TARM1: variants seen among roughly 807,000 people sequenced by gnomAD.
The protein encoded by TARM1 is T-cell-interacting, activating receptor on myeloid cells protein 1.
A neutral mutation model predicts 30.4 loss-of-function variants in TARM1; 24 were observed. The observed-to-expected ratio is 0.79, with a 90% CI of 0.57 to 1.11. The LOEUF (loss-of-function observed/expected upper bound fraction) is 1.11. TARM1 is among the 50% of genes least tolerant of loss of function. The pLI is 0.00. For synonymous variants in TARM1, 129 were observed against 138.9 expected, an observed-to-expected ratio of 0.93 and a Z score of 0.50; for missense variants, 323 against 332.8, an observed-to-expected ratio of 0.97 and a Z score of 0.23.
In TARM1 at chr19:54,081,320, G is replaced by C. The variant is rs1158455346; in HGVS notation, c.21C>G (p.Ser7=). Residue 7 remains serine (S), a synonymous_variant, in exon 1 of 5, where the codon TCC becomes TCG. Coordinates refer to ENST00000432826, the MANE Select transcript of TARM1 (RefSeq NM_001135686.3). MIPKLL[S]LLCFRLCVGQ... Reference sequence around the variant, plus strand: ...TGTGAGACTTACTGAAACAGAGGAGGGAAAGCAGCTTAGGGATCATGATGG... The same window carrying C: ...TGTGAGACTTACTGAAACAGAGGAGCGAAAGCAGCTTAGGGATCATGATGG... The C allele has an allele frequency of 3.9e-6, 6 of 1,546,522 alleles. No individual in the cohort carries two copies. The highest frequency in any genetic ancestry group is 5.2e-6 in the Non-Finnish European group (6 of 1,145,190).
Position 54,069,947 on chromosome 19 carries a change from G to T in TARM1, c.*56C>A. On this transcript the variant is annotated 3_prime_UTR_variant, in exon 5 of 5. Transcript: ENST00000432826. ...GACTTAGAAAGCCTCAACCCCCTGGGAATGCAGTCCAGCAGGTTGCAGCCT... is the reference window on the plus strand; with the variant it reads ...GACTTAGAAAGCCTCAACCCCCTGGTAATGCAGTCCAGCAGGTTGCAGCCT... The T allele has an allele frequency of 7.3e-7, 1 of 1,367,930 alleles. No homozygotes were observed. The highest frequency in any genetic ancestry group is 1.0e-6 in the Non-Finnish European group (1 of 990,538). The allele number at this position is 1,367,930 out of a possible 1,614,324, so 84.7% of individuals were successfully genotyped here.
At chr19:54,076,408 G>T in intron 1 of TARM1, 1 of 538,974 alleles carries the variant, frequency 1.9e-6, no homozygotes, top group Non-Finnish European at 3.2e-6. Flanking sequence ...TGTCGCCCAG[G>T]CTGGAGTAGA....
intron 1 of TARM1, among the ~76,000 whole-genome samples, chr19:54,080,787 A>AC (rs1339725932): frequency 1.3e-5 from 2 of 152,014 alleles, no homozygotes; most frequent in Admixed American, 1.3e-4. Flanking sequence ...AGCCTGGCCA[A>AC]CATGGTGAAA....
At chr19:54,071,116 C>T (rs1478951524) in intron 4 of TARM1, among the ~76,000 whole-genome samples, 1 of 152,070 alleles carries the variant, frequency 6.6e-6, no homozygotes, top group East Asian at 1.9e-4. Flanking sequence ...TACCACCACA[C>T]CCGGCTAATT....
chr19:54,076,059 CA>C, intron 1 of TARM1, 141 bp from the exon 2 acceptor site: 1 of 1,431,192 alleles, frequency 7.0e-7, no homozygotes, highest in Non-Finnish European at 9.3e-7. Context: ...TCATTCTCCC[CA>C]CACTGGACTG....
At chr19:54,077,751 T>A (rs1568508557) in intron 1 of TARM1, among the ~76,000 whole-genome samples, 1 of 151,218 alleles carries the variant, frequency 6.6e-6, no homozygotes. Context: ...TTTTTTTTTT[T>A]TTTTTTTTGA....
At chr19:54,075,273 C>T (rs865853628) in intron 2 of TARM1, among the ~76,000 whole-genome samples, 159 bp from the exon 3 acceptor site, 5 of 151,824 alleles carry the variant, frequency 3.3e-5, no homozygotes, top group Non-Finnish European at 7.4e-5. Context: ...CTGCAACCTC[C>T]GTCTCCTGGG....
chr19:54,078,443 A>G (rs2072015337), intron 1 of TARM1, among the ~76,000 whole-genome samples: 1 of 151,658 alleles, frequency 6.6e-6, no homozygotes, highest in South Asian at 2.1e-4. Flanking sequence ...CAATGGCATG[A>G]TCTCGGCTCA....
chr19:54,070,261 GT>G (rs2071777738), intron 4 of TARM1, 101 bp from the exon 5 acceptor site: 2 of 1,445,958 alleles, frequency 1.4e-6, no homozygotes, highest in Non-Finnish European at 1.8e-6. Context: ...AATGTTTTCG[GT>G]TTTTTGGTTT....
intron 1 of TARM1, among the ~76,000 whole-genome samples, chr19:54,079,574 C>G (rs1223682501): frequency 6.6e-6 from 1 of 151,736 alleles, no homozygotes; most frequent in African/African-American, 2.4e-5. Flanking sequence ...GTGGCAGAGC[C>G]ACCACAGTGG....
chr19:54,070,875 G>C (rs1019543547), intron 4 of TARM1, among the ~76,000 whole-genome samples: 3 of 152,192 alleles, frequency 2.0e-5, no homozygotes, highest in African/African-American at 7.2e-5. Context: ...GCCTCCCAAA[G>C]TGTTGGGATT....
chr19:54,079,005 C>T (rs1232090014), intron 1 of TARM1, among the ~76,000 whole-genome samples: 1 of 150,994 alleles, frequency 6.6e-6, no homozygotes, highest in East Asian at 1.9e-4. Flanking sequence ...GCCTGTAATC[C>T]CAGCACTTTG....
At chr19:54,078,388 T>C (rs140326953) in intron 1 of TARM1, among the ~76,000 whole-genome samples, 1 of 151,252 alleles carries the variant, frequency 6.6e-6, no homozygotes, top group East Asian at 2.0e-4. Flanking sequence ...TATTTATTTA[T>C]TTATTTTGAG....
At position 54,069,914 on chromosome 19, in the gene TARM1, C is replaced by T; in HGVS notation, c.*89G>A. On this transcript the variant is annotated 3_prime_UTR_variant, in exon 5 of 5. Transcript: ENST00000432826. Reference sequence around the variant, plus strand: ...GTGACCTGTATGTTGTGACCTGTCTCATCCTGTGACTTAGAAAGCCTCAAC... The same window carrying T: ...GTGACCTGTATGTTGTGACCTGTCTTATCCTGTGACTTAGAAAGCCTCAAC... 1 of 1,028,990 alleles carries T rather than the reference C, an allele frequency of 9.7e-7. No homozygotes were observed. Among genetic ancestry groups the T allele is most frequent in the Non-Finnish European group, 1.4e-6 (1 of 703,492 alleles). The allele number at this position is 1,028,990 out of a possible 1,614,324, so 63.7% of individuals were successfully genotyped here.
intron 4 of TARM1, among the ~76,000 whole-genome samples, chr19:54,072,087 G>T (rs2071826355): frequency 6.6e-6 from 1 of 151,976 alleles, no homozygotes; most frequent in Admixed American, 6.6e-5. Flanking sequence ...TACTCGGGAG[G>T]CTGAGGCAGA....
At chr19:54,076,233 TTC>T in intron 1 of TARM1, 1 of 1,513,932 alleles carries the variant, frequency 6.6e-7, no homozygotes, top group Non-Finnish European at 8.8e-7. Context: ...CTTTCTTTCT[TTC>T]TTTTTCTTTC....
At chr19:54,075,739 G>T in intron 2 of TARM1, 144 bp downstream of exon 2, 1 of 886,190 alleles carries the variant, frequency 1.1e-6, no homozygotes, top group Non-Finnish European at 1.7e-6. Flanking sequence ...GTTGCTGTAA[G>T]CCGAGATTGC....
intron 1 of TARM1, 32 bp from the exon 2 acceptor site, chr19:54,075,950 C>T: frequency 1.3e-6 from 2 of 1,550,554 alleles, no homozygotes; most frequent in Non-Finnish European, 1.7e-6. Context: ...GCCAGAAGCC[C>T]CTACCTGGAG....
At chr19:54,075,216 C>T (rs2071919276) in intron 2 of TARM1, 102 bp from the exon 3 acceptor site, 1 of 1,037,902 alleles carries the variant, frequency 9.6e-7, no homozygotes. Flanking sequence ...GAGATGGAGT[C>T]TCCCTCTGTT....
Sources: gnomAD v4.1 joint callset for allele counts (sites outside exome capture counted in the v4.1 genomes callset) on GRCh38, gnomAD v4.1.1 for gene constraint, MANE v1.5 for transcripts, NCBI Gene and HGNC (gene_info 2026-07-23, HGNC 2026-07-21) for gene names.